LDLRAP1: variants seen among roughly 807,000 people sequenced by gnomAD.
The protein encoded by LDLRAP1 is low density lipoprotein receptor adaptor protein 1.
A neutral mutation model predicts 37.8 loss-of-function variants in LDLRAP1; 30 were observed. The observed-to-expected ratio is 0.79, with a 90% confidence interval of 0.59 to 1.08. The LOEUF (loss-of-function observed/expected upper bound fraction) is 1.08. Ranked by LOEUF, LDLRAP1 falls within the 50% of genes least tolerant of loss-of-function variation. The probability of loss-of-function intolerance (pLI) is 0.00; values close to 1 mark genes in which losing one functional copy is unlikely to be tolerated. For synonymous variants in LDLRAP1, 156 were observed against 169.8 expected, an observed-to-expected ratio of 0.92 and a Z score of 0.63; for missense variants, 375 against 401.6, an observed-to-expected ratio of 0.93 and a Z score of 0.57.
At chr1:25,569,306 C>T (rs113344631), downstream of LDLRAP1, among the ~76,000 whole-genome samples, 3,114 of 152,226 alleles carry the variant, frequency 0.02, 95 homozygotes, top group African/African-American at 0.068. Flanking sequence ...AGACTTGCTC[C>T]GGGCTGAACG....
intron 5 of LDLRAP1, 116 bp from the exon 6 acceptor site, chr1:25,562,952 GCT>G: frequency 9.8e-7 from 1 of 1,024,538 alleles, no homozygotes; most frequent in Non-Finnish European, 1.6e-6. Flanking sequence ...TTTCCTCCCG[GCT>G]GGAAACCTGA....
the LDLRAP1 span, among the ~76,000 whole-genome samples, chr1:25,576,032 C>T: frequency 1.3e-5 from 2 of 150,988 alleles, no homozygotes; most frequent in Admixed American, 1.3e-4. Flanking sequence ...AGTTTGAGAC[C>T]AGCCTGGCCA....
chr1:25,589,814 T>A, the LDLRAP1 span, among the ~76,000 whole-genome samples: 4 of 152,016 alleles, frequency 2.6e-5, no homozygotes, highest in Non-Finnish European at 5.9e-5. Context: ...ATAAATACCC[T>A]CTTACGGGCC....
At chr1:25,569,138 GCTGAAGCGT>G (rs917575946), downstream of LDLRAP1, among the ~76,000 whole-genome samples, 2 of 152,252 alleles carry the variant, frequency 1.3e-5, no homozygotes, top group African/African-American at 4.8e-5. Context: ...TGGTGCATCG[GCTGAAGCGT>G]CTGAGAGCCC....
At position 25,563,697 on chromosome 1, in the gene LDLRAP1, C is replaced by G; in HGVS notation, c.653C>G (p.Thr218Arg). 1 of 1,613,904 alleles carries G rather than the reference C, an allele frequency of 6.2e-7. No individual in the cohort carries two copies. Among genetic ancestry groups the G allele is most frequent in the Non-Finnish European group, 8.5e-7 (1 of 1,180,018 alleles). Residue 218 changes from threonine (T) to arginine (R), a missense_variant, in exon 7 of 9, where the codon ACA becomes AGA. Coordinates refer to ENST00000374338, the MANE Select transcript of LDLRAP1 (RefSeq NM_015627.3). ...GGGAACCTGCTGGACTTAGAGGAGA[C>G]AGCTAAGGCCCCGCTGTCCACGGTC... ...ATGNLLDLEE[T>R]AKAPLSTVSA...
chr1:25,553,968 G>A lies in LDLRAP1; in HGVS notation c.135G>A (p.Gly45=), dbSNP rs766821850. ...WTDTRETLLE[G]MLFSLKYLGM... ...ACACGCGGGAGACGCTGCTGGAGGGGATGCTGTTCAGCCTCAAGTACCTGG... is the reference window on the plus strand; with the variant it reads ...ACACGCGGGAGACGCTGCTGGAGGGAATGCTGTTCAGCCTCAAGTACCTGG... The change falls in exon 2 of 9, where the codon GGG becomes GGA. Residue 45 remains glycine (G), a synonymous_variant. Coordinates refer to ENST00000374338, the MANE Select transcript of LDLRAP1 (RefSeq NM_015627.3). The A allele has an allele frequency of 6.2e-7, 1 of 1,614,076 alleles. No homozygotes were observed. Among genetic ancestry groups the A allele is most frequent in the Non-Finnish European group, 8.5e-7 (1 of 1,180,016 alleles).
chr1:25,569,404 G>A (rs1050969142), downstream of LDLRAP1, among the ~76,000 whole-genome samples: 2 of 152,146 alleles, frequency 1.3e-5, no homozygotes, highest in African/African-American at 4.8e-5. Context: ...TGTGTTGGGG[G>A]ATGGTGGGAA....
chr1:25,544,588 G>A lies in LDLRAP1; in HGVS notation c.88+802G>A, dbSNP rs903916846. 4.6e-5 allele frequency among the ~76,000 whole-genome samples: 7 copies of A among 152,198 alleles called. No homozygotes were observed. The highest frequency in any genetic ancestry group is 1.0e-4 in the Non-Finnish European group (7 of 68,026). On this transcript the variant is annotated intron_variant, in intron 1 of 8. Coordinates refer to ENST00000374338, the MANE Select transcript of LDLRAP1 (RefSeq NM_015627.3). This position sits in a 1 kb window ranked among gnomAD's most constrained non-coding sequence, Gnocchi z 4.8. The stretch of plus-strand genomic sequence containing the variant: ...TGGGGCGTCTGGGAGGCTGGGAGGG[G>A]CCTCCCCCCCTTTCTCTCCCCCAGT...
At chr1:25,551,880 G>T (rs2044079189) in intron 1 of LDLRAP1, among the ~76,000 whole-genome samples, 1 of 152,060 alleles carries the variant, frequency 6.6e-6, no homozygotes, top group African/African-American at 2.4e-5. Flanking sequence ...AGTATTGAGC[G>T]CTACCTGCAT....
At chr1:25,550,970 G>A (rs2044057942) in intron 1 of LDLRAP1, among the ~76,000 whole-genome samples, 1 of 152,172 alleles carries the variant, frequency 6.6e-6, no homozygotes, top group Non-Finnish European at 1.5e-5. Flanking sequence ...GCCAGGAAAG[G>A]GCTGAACCAG....
the LDLRAP1 span, among the ~76,000 whole-genome samples, chr1:25,589,824 C>T: frequency 3.2e-4 from 48 of 152,176 alleles, 1 homozygote; most frequent in Admixed American, 2.8e-3. Flanking sequence ...TCTTACGGGC[C>T]GGGCGCGGTG....
intron 4 of LDLRAP1, among the ~76,000 whole-genome samples, chr1:25,560,260 C>T (rs553462898): frequency 2.8e-4 from 43 of 152,256 alleles, no homozygotes; most frequent in Admixed American, 9.8e-4. Flanking sequence ...GTTGACAAAA[C>T]GTCAGTCATT....
chr1:25,545,073 G>A (rs1344060769), intron 1 of LDLRAP1, among the ~76,000 whole-genome samples: 2 of 152,228 alleles, frequency 1.3e-5, no homozygotes, highest in Non-Finnish European at 2.9e-5. Flanking sequence ...GACCCATTAG[G>A]GCTGGGCCAC....
chr1:25,579,006 C>A, the LDLRAP1 span, among the ~76,000 whole-genome samples: 2 of 152,276 alleles, frequency 1.3e-5, no homozygotes, highest in East Asian at 3.9e-4. Context: ...CCCATGCTAC[C>A]CCTTCAGAGG....
In LDLRAP1 at chr1:25,562,646, A is replaced by G. The variant is rs761077535; in HGVS notation, c.462A>G (p.Ala154=). ...HAFLCTKRKM[A]QAVTLTVAQA... is the part of the protein sequence containing the mutation. ...CCATCCCCACTTCCTGTTTTCAGGC[A>G]CAGGCTGTTACCCTCACCGTAGCCC... is the stretch of plus-strand genomic sequence containing the variant. Residue 154 remains alanine (A), a splice_region_variant and synonymous_variant, in exon 5 of 9, where the codon GCA becomes GCG. Coordinates refer to ENST00000374338, the MANE Select transcript of LDLRAP1 (RefSeq NM_015627.3). The G allele has an allele frequency of 5.6e-6, 9 of 1,613,990 alleles. No individual in the cohort carries two copies. The highest frequency in any genetic ancestry group is 7.6e-6 in the Non-Finnish European group (9 of 1,179,958).
the LDLRAP1 span, among the ~76,000 whole-genome samples, chr1:25,582,310 G>A: frequency 1.3e-5 from 2 of 152,164 alleles, no homozygotes; most frequent in African/African-American, 4.8e-5. Context: ...GAATGGTCTG[G>A]GCGTGGTGGC....
intron 7 of LDLRAP1, chr1:25,564,191 G>T: frequency 3.1e-6 from 1 of 326,548 alleles, no homozygotes; most frequent in Non-Finnish European, 6.0e-6. Flanking sequence ...CTCCCTCAGG[G>T]ACTCAGGGCA....
the LDLRAP1 span, among the ~76,000 whole-genome samples, chr1:25,580,282 G>A: frequency 6.6e-6 from 1 of 152,146 alleles, no homozygotes. Flanking sequence ...CTAGGCTCGA[G>A]GCCGGGCACA....
chr1:25,552,009 T>C (rs1468564039), intron 1 of LDLRAP1, among the ~76,000 whole-genome samples: 5 of 152,204 alleles, frequency 3.3e-5, no homozygotes, highest in Non-Finnish European at 5.9e-5. Flanking sequence ...CCGCACCCTC[T>C]TTCAGATGAA....
Sources: allele counts gnomAD v4.1 joint callset (sites outside exome capture counted in the v4.1 genomes callset), GRCh38; gene constraint gnomAD v4.1.1; non-coding constraint Gnocchi (gnomAD v3.1); transcripts MANE v1.5; gene names NCBI Gene and HGNC (gene_info 2026-07-23, HGNC 2026-07-21).